Variants in CHD6 observed in about 807,000 individuals in gnomAD.
CHD6 encodes chromodomain helicase DNA binding protein 6.
CHD6 carries 50 observed loss-of-function variants against 276.9 expected under a neutral mutation model. The observed-to-expected ratio is 0.18, with a 90% CI of 0.14 to 0.23. The LOEUF (loss-of-function observed/expected upper bound fraction) is 0.23. CHD6 is among the 10% of genes least tolerant of loss of function. CHD6 has a pLI of 1.00. For synonymous variants in CHD6, 1,173 were observed against 1,229.3 expected (o/e 0.95, Z 0.96); for missense variants, 2,564 against 3,365.8 (o/e 0.76, Z 5.89).
At chr20:41,598,349 T>A (rs1211113009) in intron 1 of CHD6, among the ~76,000 whole-genome samples, 1 of 152,148 alleles carries the variant, frequency 6.6e-6, no homozygotes, top group Admixed American at 6.6e-5. Flanking sequence ...AAGTAGCCAC[T>A]GTAGAAGTTA....
intron 3 of CHD6, among the ~76,000 whole-genome samples, chr20:41,529,493 G>T (rs1187008139): frequency 6.6e-6 from 1 of 152,162 alleles, no homozygotes; most frequent in Non-Finnish European, 1.5e-5. Context: ...GGCTATGGAA[G>T]TTCAGAGGGG....
intron 2 of CHD6, among the ~76,000 whole-genome samples, chr20:41,548,886 G>A (rs901433692): frequency 2.6e-5 from 4 of 151,802 alleles, no homozygotes; most frequent in Non-Finnish European, 5.9e-5. Flanking sequence ...AAAAACACAT[G>A]AAAAAATGCT....
intron 16 of CHD6, among the ~76,000 whole-genome samples, chr20:41,480,122 G>A (rs973185752): frequency 1.3e-5 from 2 of 152,174 alleles, no homozygotes; most frequent in Non-Finnish European, 2.9e-5. Context: ...TTTCTCAGGA[G>A]CTCCTGGAAG....
chr20:41,445,838 G>T, intron 24 of CHD6, 70 bp from the exon 25 acceptor site: 1 of 892,798 alleles, frequency 1.1e-6, no homozygotes, highest in Non-Finnish European at 1.9e-6. Flanking sequence ...TTAGGCCACA[G>T]TCCTACTGGC....
At chr20:41,486,405 G>A (rs890811577) in intron 14 of CHD6, among the ~76,000 whole-genome samples, 2 of 152,128 alleles carry the variant, frequency 1.3e-5, no homozygotes, top group Non-Finnish European at 2.9e-5. Context: ...CATTTCTAAT[G>A]GTCCAAAAAC....
At chr20:41,485,655 G>C (rs1367204858) in intron 14 of CHD6, 2 of 151,994 alleles carry the variant, frequency 1.3e-5, no homozygotes, top group African/African-American at 4.8e-5. Flanking sequence ...ACATCTCATA[G>C]AGCAGAGATT....
chr20:41,551,538 A>G (rs2045147160), intron 1 of CHD6, among the ~76,000 whole-genome samples, 178 bp from the exon 2 acceptor site: 1 of 152,244 alleles, frequency 6.6e-6, no homozygotes. Flanking sequence ...TAACTCTGTT[A>G]GACCCTAATT....
chr20:41,534,017 ACCAACAAATAAAAGTACAGCCCC>A (rs1436652318), intron 2 of CHD6, among the ~76,000 whole-genome samples: 1 of 152,206 alleles, frequency 6.6e-6, no homozygotes, highest in Non-Finnish European at 1.5e-5. Flanking sequence ...GTTTTTGAGC[ACCAACAAATAAAAGTACAGCCCC>A]CCAAAGTGAC....
chr20:41,508,960 A>G (rs1238309629), intron 5 of CHD6, among the ~76,000 whole-genome samples: 1 of 152,198 alleles, frequency 6.6e-6, no homozygotes, highest in Admixed American at 6.5e-5. Flanking sequence ...CTCACTGAAT[A>G]AGTTATTTGA....
At chr20:41,614,997 G>C (rs2045921644) in intron 1 of CHD6, among the ~76,000 whole-genome samples, 2 of 152,128 alleles carry the variant, frequency 1.3e-5, no homozygotes, top group Admixed American at 6.5e-5. Context: ...TGCACGTGTA[G>C]AACTTAGGGA....
intron 27 of CHD6, among the ~76,000 whole-genome samples, chr20:41,429,945 G>A (rs868135517): frequency 6.6e-6 from 1 of 152,200 alleles, no homozygotes; most frequent in Non-Finnish European, 1.5e-5. Context: ...GCCTAGGTCT[G>A]TTGAATTCAG....
chr20:41,610,580 T>C (rs2045876630), intron 1 of CHD6, among the ~76,000 whole-genome samples: 1 of 151,914 alleles, frequency 6.6e-6, no homozygotes, highest in Admixed American at 6.6e-5. Flanking sequence ...GCTAACATGG[T>C]GAAACCCCGT....
chr20:41,521,928 A>C (rs890870124), intron 3 of CHD6, among the ~76,000 whole-genome samples: 1 of 152,278 alleles, frequency 6.6e-6, no homozygotes, highest in African/African-American at 2.4e-5. Flanking sequence ...ATTATAAGTC[A>C]CTGAAAACAA....
At chr20:41,584,796 A>T in intron 1 of CHD6, among the ~76,000 whole-genome samples, 1 of 152,118 alleles carries the variant, frequency 6.6e-6, no homozygotes, top group Middle Eastern at 3.2e-3. Flanking sequence ...TACAGAATGC[A>T]ACTTAAACAG....
At position 41,491,822 on chromosome 20, in the gene CHD6, A is replaced by C; in HGVS notation, c.1315-3T>G. 1 of 1,613,768 alleles carries C rather than the reference A, an allele frequency of 6.2e-7. No individual in the cohort carries two copies. Among genetic ancestry groups the C allele is most frequent in the South Asian group, 1.1e-5 (1 of 91,072 alleles). On this transcript the variant is annotated splice_region_variant and splice_polypyrimidine_tract_variant and intron_variant, in intron 10 of 36. Coordinates refer to ENST00000373233, the MANE Select transcript of CHD6 (RefSeq NM_032221.5). Reference sequence around the variant, plus strand: ...CAGGAGTCTGAAGCAGGCCGCTCCTAGGGAGGAAAGCAAACAGCATAATAG... The same window carrying C: ...CAGGAGTCTGAAGCAGGCCGCTCCTCGGGAGGAAAGCAAACAGCATAATAG...
chr20:41,404,925 G>A lies in CHD6; in HGVS notation c.7816C>T (p.Pro2606Ser). 6.2e-7 allele frequency: 1 copy of A among 1,614,118 alleles called. No homozygotes were observed. The highest frequency in any genetic ancestry group is 1.1e-5 in the South Asian group (1 of 91,072). ...ATGAGAAATGGGTTAAAAGCCACAG[G>A]ACTACTAGTAGTTATTGCAGGTTCA... is the stretch of plus-strand genomic sequence containing the variant. ...QSEPAITTSS[P>S]VAFNPFLIPG... is the part of the protein sequence containing the mutation. The change falls in exon 37 of 37, where the codon CCT becomes TCT. Residue 2606 changes from proline to serine, a missense_variant. This residue lies in a region of CHD6 where 238 missense variants were observed against 266.0 expected (regional missense o/e 0.89). Coordinates refer to ENST00000373233, the MANE Select transcript of CHD6 (RefSeq NM_032221.5).
chr20:41,421,204 C>T lies in CHD6; in HGVS notation c.5431G>A (p.Ala1811Thr), dbSNP rs149866734. The T allele has an allele frequency of 5.6e-5, 90 of 1,613,616 alleles. No homozygotes were observed. In the African/African-American group the frequency reaches 1.1e-3, roughly 20 times the overall value. Residue 1811 changes from alanine (A) to threonine (T), a missense_variant, in exon 31 of 37, where the codon GCT (alanine) becomes ACT (threonine). By Grantham distance (58) the Ala-to-Thr change is moderately conservative. Transcript: ENST00000373233. The stretch of plus-strand genomic sequence containing the variant: ...TTTCCTGGATTCAAGGAAGGGGAAG[C>T]TAAACACTTGGCTTCCAGCTGGCCA... ...NIGQLEAKCL[A>T]SPSLNPGNES... is the part of the protein sequence containing the mutation.
chr20:41,584,765 A>C (rs1310205762), intron 1 of CHD6, among the ~76,000 whole-genome samples: 2 of 152,182 alleles, frequency 1.3e-5, no homozygotes, highest in East Asian at 3.8e-4. Flanking sequence ...ATAGAATCAA[A>C]ATCAAAACAA....
At chr20:41,451,654 C>T (rs1418092640) in intron 22 of CHD6, among the ~76,000 whole-genome samples, 172 bp downstream of exon 22, 1 of 152,182 alleles carries the variant, frequency 6.6e-6, no homozygotes, top group African/African-American at 2.4e-5. Context: ...ACAGGTAACA[C>T]TGGGAGATTC....
Sources: gnomAD v4.1 joint callset for allele counts (sites outside exome capture counted in the v4.1 genomes callset) on GRCh38, gnomAD v4.1.1 for gene constraint, gnomAD v4.1.1 regional missense constraint, MANE v1.5 for transcripts, NCBI Gene and HGNC (gene_info 2026-07-23, HGNC 2026-07-21) for gene names.